CFAP97: variants seen among roughly 807,000 people sequenced by gnomAD.
CFAP97 encodes the protein cilia- and flagella-associated protein 97.
Under a neutral mutation model 43.1 loss-of-function variants are expected in CFAP97, and 36 were observed. That is an observed-to-expected ratio of 0.84 (90% CI 0.64 to 1.10). The LOEUF (loss-of-function observed/expected upper bound fraction) is 1.10. Among genes scored for constraint, CFAP97 ranks in the 50% least tolerant of loss-of-function variants. CFAP97 has a pLI of 0.00. For missense variants in CFAP97, 657 were observed against 620.3 expected, an observed-to-expected ratio of 1.06 and a Z score of -0.63; for synonymous variants, 228 against 225.7, an observed-to-expected ratio of 1.01 and a Z score of -0.09.
In CFAP97 at chr4:185,160,466, A is replaced by C. The variant is rs1036620340; in HGVS notation, c.*2332T>G. ...GTACTTAAGTAATTCCTTCTTAAGA[A>C]TGTCCCTTAAACTATAACAACTTCA... On this transcript the variant is annotated 3_prime_UTR_variant, in exon 5 of 5. Coordinates refer to ENST00000458385, the MANE Select transcript of CFAP97 (RefSeq NM_020827.3). 10 of 152,206 alleles carry C rather than the reference A, an allele frequency of 6.6e-5. No individual in the cohort carries two copies. Among genetic ancestry groups the C allele is most frequent in the Non-Finnish European group, 1.5e-4 (10 of 68,022 alleles). The allele number at this position is 152,206 out of a possible 1,614,324, so 9.4% of individuals were successfully genotyped here.
chr4:185,190,029 A>G (rs1014744794), intron 2 of CFAP97, 114 bp downstream of exon 2: 19 of 741,474 alleles, frequency 2.6e-5, no homozygotes, highest in Non-Finnish European at 3.6e-5. Context: ...AATAATATCA[A>G]TCATTCCCAA....
chr4:185,186,802 A>G (rs1019640989), intron 2 of CFAP97, among the ~76,000 whole-genome samples: 1 of 152,244 alleles, frequency 6.6e-6, no homozygotes, highest in African/African-American at 2.4e-5. Context: ...ATATTTACAG[A>G]TATAAGCTAT....
rs566215337 is a variant in CFAP97 at position 185,160,847 on chromosome 4, T to C, written c.*1951A>G. The C allele has an allele frequency of 1.2e-4, 17 of 147,192 alleles. No individual in the cohort carries two copies. The East Asian group carries it at 3.1e-3, about 27-fold the overall frequency. The allele number at this position is 147,192 out of a possible 1,614,324, so 9.1% of individuals were successfully genotyped here. A position where few individuals can be genotyped will look rare whatever the true frequency, so the allele number is the denominator to read the frequency against. ...TATATAAATATATAATCTTTATATA[T>C]ATATAAAAATCTTTTTTAAAAGATT... is the stretch of plus-strand genomic sequence containing the variant. On this transcript the variant is annotated 3_prime_UTR_variant, in exon 5 of 5. Transcript: ENST00000458385.
intron 4 of CFAP97, among the ~76,000 whole-genome samples, chr4:185,163,533 A>G (rs538364443): frequency 1.9e-4 from 29 of 152,140 alleles, no homozygotes; most frequent in Non-Finnish European, 3.8e-4. Context: ...TCTGGGGCAC[A>G]CAGCTGGCTA....
upstream of CFAP97, among the ~76,000 whole-genome samples, chr4:185,208,079 G>C (rs892315197): frequency 2.0e-5 from 3 of 152,042 alleles, no homozygotes; most frequent in Non-Finnish European, 4.4e-5. Flanking sequence ...AGGCAAAAGG[G>C]CTTCTTCAAA....
intron 2 of CFAP97, among the ~76,000 whole-genome samples, chr4:185,181,926 G>A (rs1735807145): frequency 6.6e-6 from 1 of 152,084 alleles, no homozygotes; most frequent in Non-Finnish European, 1.5e-5. Flanking sequence ...CTTGAACAAG[G>A]CACTTCACTT....
chr4:185,200,973 A>G (rs1333081811), intron 1 of CFAP97, among the ~76,000 whole-genome samples: 1 of 152,198 alleles, frequency 6.6e-6, no homozygotes, highest in Non-Finnish European at 1.5e-5. Flanking sequence ...AATATTCTGT[A>G]TACTTAGCTA....
At position 185,162,040 on chromosome 4, in the gene CFAP97, A is replaced by T. The variant is rs771838606; in HGVS notation, c.*758T>A. 12 of 152,258 alleles carry T rather than the reference A, an allele frequency of 7.9e-5. No individual in the cohort carries two copies. Among genetic ancestry groups the T allele is most frequent in the African/African-American group, 1.2e-4 (5 of 41,466 alleles). The allele number at this position is 152,258 out of a possible 1,614,324, so 9.4% of individuals were successfully genotyped here. ...GTCCTTAAACTATTCACGAGTTAGAAGACTAGCTCTAAAACCTACCTCATT... is the reference window on the plus strand; with the variant it reads ...GTCCTTAAACTATTCACGAGTTAGATGACTAGCTCTAAAACCTACCTCATT... On this transcript the variant is annotated 3_prime_UTR_variant, in exon 5 of 5. Coordinates refer to ENST00000458385, the MANE Select transcript of CFAP97 (RefSeq NM_020827.3).
At chr4:185,201,312 C>A (rs1170562467) in intron 1 of CFAP97, among the ~76,000 whole-genome samples, 5 of 105,554 alleles carry the variant, frequency 4.7e-5, no homozygotes, top group African/African-American at 8.1e-5. Context: ...GGCGACAGAG[C>A]AAGACTCCGC....
rs1192988644 is a variant in CFAP97, at chr4:185,161,574, T to G, written c.*1224A>C. On this transcript the variant is annotated 3_prime_UTR_variant, in exon 5 of 5. Coordinates refer to ENST00000458385, the MANE Select transcript of CFAP97 (RefSeq NM_020827.3). ...GCGGTAACAATGAGATAACATACTTTGTTATATAAAAGCCTAAGTTTCATA... is the reference window on the plus strand; with the variant it reads ...GCGGTAACAATGAGATAACATACTTGGTTATATAAAAGCCTAAGTTTCATA... 1 of 152,228 alleles carries G rather than the reference T, an allele frequency of 6.6e-6. No individual in the cohort carries two copies. Among genetic ancestry groups the G allele is most frequent in the African/African-American group, 2.4e-5 (1 of 41,464 alleles). 9.4% of individuals were successfully genotyped at this position (152,228 alleles called of 1,614,324 possible).
chr4:185,171,832 G>A (rs1038352936), intron 3 of CFAP97, among the ~76,000 whole-genome samples: 1 of 152,100 alleles, frequency 6.6e-6, no homozygotes, highest in African/African-American at 2.4e-5. Context: ...GACCTCCCAG[G>A]CCCATGCAAT....
rs1015125050 is a variant in CFAP97, at chr4:185,159,987, A to G, written c.*2811T>C. 1 of 152,234 alleles carries G rather than the reference A, an allele frequency of 6.6e-6. No individual in the cohort carries two copies. Among genetic ancestry groups the G allele is most frequent in the Non-Finnish European group, 1.5e-5 (1 of 68,044 alleles). 9.4% of individuals were successfully genotyped at this position (152,234 alleles called of 1,614,324 possible). ...TTTGCAGTATTTGAAGAATCTGAAG[A>G]TGACAGGCACAGCCGTCACTTACCC... On this transcript the variant is annotated 3_prime_UTR_variant, in exon 5 of 5. Transcript: ENST00000458385.
At chr4:185,208,350 G>A (rs960670666), upstream of CFAP97, among the ~76,000 whole-genome samples, 1 of 152,118 alleles carries the variant, frequency 6.6e-6, no homozygotes, top group South Asian at 2.1e-4. Context: ...AAGGAAACTG[G>A]TAACTTATTT....
chr4:185,207,280 G>C (rs148417812), upstream of CFAP97, among the ~76,000 whole-genome samples: 5 of 139,798 alleles, frequency 3.6e-5, no homozygotes, highest in African/African-American at 1.3e-4. Context: ...GCAGTGGTGC[G>C]ATCTCGGCTC....
At chr4:185,194,922 A>C (rs1188169857) in intron 1 of CFAP97, among the ~76,000 whole-genome samples, 1 of 152,170 alleles carries the variant, frequency 6.6e-6, no homozygotes, top group East Asian at 1.9e-4. Flanking sequence ...GATGAGTGGG[A>C]GTCTGCTCAG....
chr4:185,174,312 G>A (rs1338850540), intron 3 of CFAP97, among the ~76,000 whole-genome samples: 1 of 152,166 alleles, frequency 6.6e-6, no homozygotes, highest in Non-Finnish European at 1.5e-5. Flanking sequence ...ATACTGCGAA[G>A]GTGATGTGTG....
At position 185,190,229 on chromosome 4, in the gene CFAP97, G is replaced by C; in HGVS notation, c.968C>G (p.Ser323Trp). Residue 323 changes from serine (S) to tryptophan (W), a missense_variant, in exon 2 of 5, where the codon TCG becomes TGG. Coordinates refer to ENST00000458385, the MANE Select transcript of CFAP97 (RefSeq NM_020827.3). ...TAAACTGGAGTCTAACACTGAAGAC[G>C]ACTTTGAGGAGACATCAGGCTCATG... The part of the protein sequence containing the change: ...EKHEPDVSSK[S>W]SSVLDSSLDH... 6.2e-7 allele frequency: 1 copy of C among 1,613,508 alleles called. No homozygotes were observed.
intron 3 of CFAP97, among the ~76,000 whole-genome samples, chr4:185,168,793 C>T (rs1050936454): frequency 6.6e-6 from 1 of 151,872 alleles, no homozygotes; most frequent in Admixed American, 6.6e-5. Context: ...AACTGTAATC[C>T]CAGCTACTTG....
At chr4:185,191,378 G>A (rs191609759) in intron 1 of CFAP97, among the ~76,000 whole-genome samples, 166 bp from the exon 2 acceptor site, 6 of 152,236 alleles carry the variant, frequency 3.9e-5, no homozygotes, top group African/African-American at 1.4e-4. Flanking sequence ...TGATGATGGG[G>A]TTCTATGAGT....
Sources: allele counts gnomAD v4.1 joint callset (sites outside exome capture counted in the v4.1 genomes callset), GRCh38; gene constraint gnomAD v4.1.1; transcripts MANE v1.5; gene names NCBI Gene and HGNC (gene_info 2026-07-23, HGNC 2026-07-21).